Variants in CYP2C18 observed in about 807,000 individuals in gnomAD.
CYP2C18 encodes the protein cytochrome P450 2C18.
In CYP2C18, 38 loss-of-function variants were observed where a neutral mutation model predicts 41.3. That is an observed-to-expected ratio of 0.92 (90% CI 0.71 to 1.21). CYP2C18 has a LOEUF of 1.21. Ranked by LOEUF, CYP2C18 falls within the 50% of genes most tolerant of loss-of-function variation. The pLI, the probability that CYP2C18 is intolerant of heterozygous loss-of-function variation, is 0.00. For synonymous variants in CYP2C18, 236 were observed against 210.0 expected (o/e 1.12, Z -1.07); for missense variants, 635 against 591.4 (o/e 1.07, Z -0.77).
intron 4 of CYP2C18, among the ~76,000 whole-genome samples, chr10:94,700,791 C>T (rs1045374125): frequency 6.6e-6 from 1 of 151,994 alleles, no homozygotes; most frequent in Non-Finnish European, 1.5e-5. Context: ...AAAAGAACCC[C>T]ATCAAAAAGT....
intron 4 of CYP2C18, among the ~76,000 whole-genome samples, chr10:94,706,433 C>G (rs913953637): frequency 1.3e-5 from 2 of 152,130 alleles, no homozygotes; most frequent in African/African-American, 4.8e-5. Flanking sequence ...TTTCCTTACC[C>G]TCTGTTCTTA....
chr10:94,721,079 T>C (rs1847638005), intron 6 of CYP2C18, among the ~76,000 whole-genome samples: 1 of 151,870 alleles, frequency 6.6e-6, no homozygotes, highest in Non-Finnish European at 1.5e-5. Flanking sequence ...AGTGGTGCAA[T>C]CTTGGCTCAC....
chr10:94,710,167 C>A (rs72816646), intron 5 of CYP2C18, among the ~76,000 whole-genome samples: 1 of 152,158 alleles, frequency 6.6e-6, no homozygotes, highest in Non-Finnish European at 1.5e-5. Flanking sequence ...GACAGCCTTT[C>A]GCTATTTTGC....
intron 1 of CYP2C18, 51 bp from the exon 2 acceptor site, chr10:94,687,719 A>G: frequency 6.6e-7 from 1 of 1,509,462 alleles, no homozygotes; most frequent in Non-Finnish European, 9.1e-7. Context: ...GACAATATAT[A>G]GACCAAATAC....
chr10:94,694,535 CAATT>C (rs1305571004), intron 3 of CYP2C18, among the ~76,000 whole-genome samples: 9 of 152,284 alleles, frequency 5.9e-5, no homozygotes, highest in South Asian at 2.1e-4. Context: ...CTCTATCAAT[CAATT>C]GTCTACAAGC....
chr10:94,699,097 G>C (rs1193773738), intron 4 of CYP2C18, among the ~76,000 whole-genome samples: 1 of 152,160 alleles, frequency 6.6e-6, no homozygotes, highest in Non-Finnish European at 1.5e-5. Flanking sequence ...CCAATCAATA[G>C]AAAAAGAGGG....
In CYP2C18 at chr10:94,683,875, T is replaced by A. The variant is rs747860502; in HGVS notation, c.56T>A (p.Leu19His). The change falls in exon 1 of 9, where the codon CTC (leucine) becomes CAC (histidine). Residue 19 changes from leucine to histidine, a missense_variant. Physicochemically the swap from Leu to His is moderately conservative, Grantham distance 99 (BLOSUM62 -3). Transcript: ENST00000285979. Reference sequence around the variant, plus strand: ...CTCTCCTGTTTGTTTCTCCTTTCACTCTGGAGGCAGAGCTCTGGAAGAGGG... The same window carrying A: ...CTCTCCTGTTTGTTTCTCCTTTCACACTGGAGGCAGAGCTCTGGAAGAGGG... ...LCLSCLFLLS[L>H]WRQSSGRGRL... 3 of 1,611,202 alleles carry A rather than the reference T, an allele frequency of 1.9e-6. No homozygotes were observed. Among genetic ancestry groups the A allele is most frequent in the African/African-American group, 2.7e-5 (2 of 74,842 alleles).
intron 3 of CYP2C18, among the ~76,000 whole-genome samples, chr10:94,689,142 T>G (rs1489905780): frequency 6.6e-6 from 1 of 152,198 alleles, no homozygotes; most frequent in African/African-American, 2.4e-5. Context: ...ATGTTACTAT[T>G]TACTGTAATG....
At chr10:94,721,996 G>T (rs925844211) in intron 6 of CYP2C18, among the ~76,000 whole-genome samples, 2 of 152,160 alleles carry the variant, frequency 1.3e-5, no homozygotes, top group African/African-American at 4.8e-5. Context: ...TCGATAAAAT[G>T]ATTTCTTTTA....
chr10:94,697,116 G>A (rs1312213281), intron 4 of CYP2C18, among the ~76,000 whole-genome samples: 1 of 152,110 alleles, frequency 6.6e-6, no homozygotes, highest in Non-Finnish European at 1.5e-5. Flanking sequence ...TTCAAATTCA[G>A]GAAATACAGA....
chr10:94,704,981 C>T (rs1242176648), intron 4 of CYP2C18, among the ~76,000 whole-genome samples: 1 of 152,026 alleles, frequency 6.6e-6, no homozygotes, highest in Non-Finnish European at 1.5e-5. Context: ...CCGTGTTAGT[C>T]CTCAGACAGG....
intron 7 of CYP2C18, 41 bp downstream of exon 7, chr10:94,724,574 A>G (rs939746331): frequency 1.5e-5 from 23 of 1,564,468 alleles, no homozygotes; most frequent in Non-Finnish European, 1.9e-5. Flanking sequence ...ATGCTCTTCA[A>G]GTCCCCAAAT....
In CYP2C18 at chr10:94,730,402, C is replaced by A. The variant is rs537142466; in HGVS notation, c.1150-2895C>A. 2.9e-3 allele frequency among the ~76,000 whole-genome samples: 441 copies of A among 152,228 alleles called. 3 individuals are homozygous for A. The highest frequency in any genetic ancestry group is 4.7e-3 in the Non-Finnish European group (319 of 68,000). On this transcript the variant is annotated intron_variant, in intron 7 of 8. Coordinates refer to ENST00000285979, the MANE Select transcript of CYP2C18 (RefSeq NM_000772.3). ...TCATTTCTCTTTTCAAGGGAAATCA[C>A]AAAACAGGTGAACAACCAAGTCAAG... is the stretch of plus-strand genomic sequence containing the variant.
chr10:94,735,059 G>T (rs1328189048), intron 8 of CYP2C18, among the ~76,000 whole-genome samples: 1 of 152,106 alleles, frequency 6.6e-6, no homozygotes, highest in Non-Finnish European at 1.5e-5. Context: ...TTTGTTGAGT[G>T]AAGGGTGCCT....
intron 5 of CYP2C18, among the ~76,000 whole-genome samples, chr10:94,717,758 A>G (rs893709816): frequency 6.6e-6 from 1 of 151,984 alleles, no homozygotes; most frequent in Non-Finnish European, 1.5e-5. Context: ...TCTAAAATCA[A>G]TTGTAGTTGC....
At position 94,695,042 on chromosome 10, in the gene CYP2C18, G is replaced by C; in HGVS notation, c.607G>C (p.Glu203Gln). 1.9e-6 allele frequency: 3 copies of C among 1,612,922 alleles called. No individual in the cohort carries two copies. The highest frequency in any genetic ancestry group is 2.5e-6 in the Non-Finnish European group (3 of 1,179,774). Residue 203 changes from glutamate to glutamine, a missense_variant, in exon 4 of 9, where the codon GAA becomes CAA. Transcript: ENST00000285979. ...RFLNLMEKFN[E>Q]NLRILSSPWI... The stretch of plus-strand genomic sequence containing the variant: ...TCTTAACTTGATGGAAAAATTCAAT[G>C]AAAACCTCAGGATTCTGAGCTCTCC...
At chr10:94,691,050 G>T (rs564497588) in intron 3 of CYP2C18, among the ~76,000 whole-genome samples, 1 of 152,140 alleles carries the variant, frequency 6.6e-6, no homozygotes, top group South Asian at 2.1e-4. Flanking sequence ...TCTATGACAA[G>T]CCCACAGCCA....
chr10:94,707,283 G>T (rs1195190110), intron 5 of CYP2C18, among the ~76,000 whole-genome samples: 1 of 152,178 alleles, frequency 6.6e-6, no homozygotes, highest in Non-Finnish European at 1.5e-5. Flanking sequence ...ATATGGGAGA[G>T]TGAGGTGAAA....
chr10:94,733,500 A>G lies in CYP2C18; in HGVS notation c.1291+62A>G. 11 of 1,598,488 alleles carry G rather than the reference A, an allele frequency of 6.9e-6. 1 individual carries two copies. The South Asian group carries it at 1.2e-4, about 18-fold the overall frequency. On this transcript the variant is annotated intron_variant, in intron 8 of 8. Transcript: ENST00000285979. ...CATGATACCTTTTTGGGATCAGTTG[A>G]CTCTTACATGATGCCACCTCTGAGG...
Sources: gnomAD v4.1 joint callset for allele counts (sites outside exome capture counted in the v4.1 genomes callset) on GRCh38, gnomAD v4.1.1 for gene constraint, MANE v1.5 for transcripts, NCBI Gene and HGNC (gene_info 2026-07-23, HGNC 2026-07-21) for gene names.